The following TOMM20L variants were observed in gnomAD, a reference collection of about 807,000 sequenced individuals.
The protein encoded by TOMM20L is translocase of outer mitochondrial membrane 20 like, also known as TOMM20-like protein 1.
Under a neutral mutation model 20.4 loss-of-function variants are expected in TOMM20L, and 19 were observed. The ratio of observed to expected loss-of-function variants is 0.93; its 90% CI spans 0.65 to 1.36. The LOEUF (loss-of-function observed/expected upper bound fraction) is 1.36. TOMM20L is among the 40% of genes most tolerant of loss of function. The pLI, the probability that TOMM20L is intolerant of heterozygous loss-of-function variation, is 0.00. For synonymous variants in TOMM20L, 75 were observed against 79.6 expected (o/e 0.94, Z 0.30); for missense variants, 218 against 203.7 (o/e 1.07, Z -0.43).
intron 3 of TOMM20L, among the ~76,000 whole-genome samples, chr14:58,403,881 A>T (rs1443288863): frequency 6.6e-6 from 1 of 150,408 alleles, no homozygotes; most frequent in African/African-American, 2.4e-5. Context: ...TTCCTACCTA[A>T]TTCCAGATGG....
chr14:58,406,887 CTT>C (rs1445992842), intron 3 of TOMM20L, among the ~76,000 whole-genome samples: 2 of 152,150 alleles, frequency 1.3e-5, no homozygotes, highest in African/African-American at 2.4e-5. Flanking sequence ...TGTTTCAACT[CTT>C]TGATAGTGAA....
At chr14:58,405,994 CCAGTA>C (rs1425788433) in intron 3 of TOMM20L, among the ~76,000 whole-genome samples, 2 of 152,098 alleles carry the variant, frequency 1.3e-5, no homozygotes, top group Non-Finnish European at 2.9e-5. Context: ...TGAGAACCAA[CCAGTA>C]CAGTATTCTA....
At chr14:58,405,191 C>T (rs1426079399) in intron 3 of TOMM20L, among the ~76,000 whole-genome samples, 2 of 152,128 alleles carry the variant, frequency 1.3e-5, no homozygotes, top group African/African-American at 4.8e-5. Flanking sequence ...TGGTCTCAAA[C>T]TCCTGGCCTC....
At chr14:58,414,008 GAA>G in the TOMM20L span, among the ~76,000 whole-genome samples, 4 of 24,176 alleles carry the variant, frequency 1.7e-4, no homozygotes, top group African/African-American at 8.1e-4. Context: ...TTCCGTCTCA[GAA>G]AAAAAAAAAA....
intron 3 of TOMM20L, among the ~76,000 whole-genome samples, chr14:58,403,107 A>G (rs1657416128): frequency 6.6e-6 from 1 of 152,236 alleles, no homozygotes; most frequent in Non-Finnish European, 1.5e-5. Flanking sequence ...CTGTAATCCC[A>G]ACACTTTGGG....
At chr14:58,415,218 C>G in the TOMM20L span, among the ~76,000 whole-genome samples, 1 of 152,146 alleles carries the variant, frequency 6.6e-6, no homozygotes, top group Non-Finnish European at 1.5e-5. Flanking sequence ...CCCACCACTT[C>G]CCCTCATGGA....
At chr14:58,398,941 A>G (rs1367215212) in intron 2 of TOMM20L, 1 of 151,962 alleles carries the variant, frequency 6.6e-6, no homozygotes, top group Non-Finnish European at 1.5e-5. Context: ...GCTGGAGTAC[A>G]GTGGCAATGA....
At chr14:58,396,946 T>C (rs1446586640) in intron 2 of TOMM20L, among the ~76,000 whole-genome samples, 1 of 152,178 alleles carries the variant, frequency 6.6e-6, no homozygotes, top group Non-Finnish European at 1.5e-5. Flanking sequence ...ATACAAAAAT[T>C]AGCCGGGAGT....
At chr14:58,408,845 C>T, downstream of TOMM20L, 4 of 800,550 alleles carry the variant, frequency 5.0e-6, no homozygotes, top group Non-Finnish European at 7.6e-6. Flanking sequence ...AACAATAAGA[C>T]CTTCTATTGT....
chr14:58,407,972 T>A (rs2036088020), intron 4 of TOMM20L, among the ~76,000 whole-genome samples: 1 of 152,342 alleles, frequency 6.6e-6, no homozygotes, highest in Non-Finnish European at 1.5e-5. Flanking sequence ...GTTCCCTTTT[T>A]ATCATTGGCA....
intron 2 of TOMM20L, among the ~76,000 whole-genome samples, chr14:58,401,834 C>T (rs1406610738): frequency 6.6e-6 from 1 of 152,198 alleles, no homozygotes; most frequent in Non-Finnish European, 1.5e-5. Flanking sequence ...TCTGAACACT[C>T]ACTCCCCTGC....
At chr14:58,401,087 C>T (rs775338830) in intron 2 of TOMM20L, among the ~76,000 whole-genome samples, 1 of 152,146 alleles carries the variant, frequency 6.6e-6, no homozygotes, top group Non-Finnish European at 1.5e-5. Context: ...CATTGGACTT[C>T]GTCTTGTACC....
rs1158265318 is a variant in TOMM20L at position 58,398,851 on chromosome 14, T to C, written c.180+2510T>C. ...TGAAGAAGCAGCACAAGCAGGATTT[T>C]CAAATGTCCTTTCATATAATTGTCA... On this transcript the variant is annotated intron_variant, in intron 2 of 4. Transcript: ENST00000360945. 3 of 152,082 alleles carry C rather than the reference T, an allele frequency of 2.0e-5. No homozygotes were observed. The East Asian group carries it at 5.8e-4, about 29-fold the overall frequency. 9.4% of individuals were successfully genotyped at this position (152,082 alleles called of 1,614,324 possible). A position where few individuals can be genotyped will look rare whatever the true frequency, so the allele number is the denominator to read the frequency against.
At chr14:58,410,247 G>A (rs572004139), downstream of TOMM20L, among the ~76,000 whole-genome samples, 1 of 151,496 alleles carries the variant, frequency 6.6e-6, no homozygotes, top group African/African-American at 2.4e-5. Flanking sequence ...ATTTTTTTTT[G>A]TATTTTTTGT....
chr14:58,401,312 C>A (rs547114897), intron 2 of TOMM20L, among the ~76,000 whole-genome samples: 1 of 151,874 alleles, frequency 6.6e-6, no homozygotes, highest in Admixed American at 6.6e-5. Flanking sequence ...TGGCTCACGC[C>A]TGTAATCCTA....
At chr14:58,402,574 C>A in intron 2 of TOMM20L, 106 bp from the exon 3 acceptor site, 1 of 839,058 alleles carries the variant, frequency 1.2e-6, no homozygotes, top group Admixed American at 2.1e-5. Context: ...AGGTGTGAGC[C>A]ACCGCATCTG....
At chr14:58,406,068 C>T (rs2036053575) in intron 3 of TOMM20L, among the ~76,000 whole-genome samples, 1 of 152,188 alleles carries the variant, frequency 6.6e-6, no homozygotes, top group East Asian at 1.9e-4. Flanking sequence ...CTCCACTCCC[C>T]TTTGCTATCA....
intron 2 of TOMM20L, among the ~76,000 whole-genome samples, chr14:58,401,584 AG>A (rs1477680188): frequency 4.6e-4 from 70 of 151,806 alleles, no homozygotes; most frequent in African/African-American, 1.6e-3. Flanking sequence ...AAAAAAAAAA[AG>A]GTGACCCCTT....
chr14:58,404,604 G>A (rs187002683), intron 3 of TOMM20L, among the ~76,000 whole-genome samples: 26 of 152,008 alleles, frequency 1.7e-4, no homozygotes, highest in Admixed American at 1.2e-3. Flanking sequence ...CAGCAATGAC[G>A]GAGATTTTTA....
Sources: gnomAD v4.1 joint callset for allele counts (sites outside exome capture counted in the v4.1 genomes callset) on GRCh38, gnomAD v4.1.1 for gene constraint, MANE v1.5 for transcripts, NCBI Gene and HGNC (gene_info 2026-07-23, HGNC 2026-07-21) for gene names.